ALK: variants seen among roughly 807,000 people sequenced by gnomAD.
ALK encodes the protein ALK receptor tyrosine kinase.
In ALK, 74 loss-of-function variants were observed where a neutral mutation model predicts 163.1. The observed-to-expected ratio is 0.45, with a 90% CI of 0.38 to 0.55. The LOEUF is 0.55. ALK is among the 20% of genes least tolerant of loss of function. The pLI is 0.00. For synonymous variants in ALK, 960 were observed against 843.2 expected, an observed-to-expected ratio of 1.14 and a Z score of -2.40; for missense variants, 2,063 against 2,105.3, an observed-to-expected ratio of 0.98 and a Z score of 0.39.
intron 3 of ALK, among the ~76,000 whole-genome samples, chr2:29,683,939 C>A (rs1425544189): frequency 6.6e-6 from 1 of 152,240 alleles, no homozygotes; most frequent in Admixed American, 6.5e-5. Context: ...GGAAAGGGAG[C>A]CACAGAGGTA....
intron 1 of ALK, among the ~76,000 whole-genome samples, chr2:29,786,852 C>G (rs904524213): frequency 6.6e-6 from 1 of 152,102 alleles, no homozygotes; most frequent in African/African-American, 2.4e-5. Flanking sequence ...AGTGCAACAG[C>G]ACAATCTTGA....
chr2:29,507,105 C>G (rs990289790), intron 4 of ALK, among the ~76,000 whole-genome samples: 4 of 152,110 alleles, frequency 2.6e-5, no homozygotes, highest in African/African-American at 9.7e-5. Context: ...TCACAATAGT[C>G]AAATGTTGAA....
At chr2:29,446,183 AT>A (rs1313555502) in intron 4 of ALK, among the ~76,000 whole-genome samples, 3 of 151,890 alleles carry the variant, frequency 2.0e-5, no homozygotes, top group African/African-American at 7.2e-5. Context: ...AACAAAAAAA[AT>A]GAAGAAAACA....
chr2:29,342,717 G>T (rs1667828844), intron 5 of ALK, among the ~76,000 whole-genome samples: 2 of 152,104 alleles, frequency 1.3e-5, no homozygotes, highest in Non-Finnish European at 2.9e-5. Flanking sequence ...GAGGCCCCAT[G>T]CAGAGTTCAG....
chr2:29,861,608 A>G (rs1666292669), intron 1 of ALK, among the ~76,000 whole-genome samples: 1 of 152,226 alleles, frequency 6.6e-6, no homozygotes, highest in African/African-American at 2.4e-5. Context: ...TAACAGATTA[A>G]TAATGAGTAA....
intron 3 of ALK, among the ~76,000 whole-genome samples, chr2:29,654,416 G>A (rs1378423716): frequency 6.6e-5 from 10 of 152,100 alleles, no homozygotes; most frequent in African/African-American, 1.7e-4. Context: ...CCAGGAAGCT[G>A]CTTTGGGTCT....
chr2:29,387,157 G>C (rs4074942), intron 4 of ALK, among the ~76,000 whole-genome samples: 55,517 of 152,002 alleles, frequency 0.37, 10,349 homozygotes, highest in African/African-American at 0.4. Flanking sequence ...GAAGTCAGGG[G>C]ACTGTATGGA....
intron 1 of ALK, among the ~76,000 whole-genome samples, chr2:29,881,189 C>G (rs1666854729): frequency 6.6e-6 from 1 of 152,210 alleles, no homozygotes; most frequent in Non-Finnish European, 1.5e-5. Flanking sequence ...GCTTTGCCCT[C>G]ATTTCCAATC....
intron 1 of ALK, among the ~76,000 whole-genome samples, chr2:29,822,149 A>G (rs555574233): frequency 6.6e-6 from 1 of 152,276 alleles, no homozygotes; most frequent in South Asian, 2.1e-4. Context: ...CCAAGTCCCA[A>G]TGCCACCTGA....
At chr2:29,436,287 G>A (rs1670395473) in intron 4 of ALK, among the ~76,000 whole-genome samples, 1 of 152,148 alleles carries the variant, frequency 6.6e-6, no homozygotes, top group Admixed American at 6.5e-5. Flanking sequence ...AATGTCAGCT[G>A]ATATTGCCAC....
intron 5 of ALK, among the ~76,000 whole-genome samples, chr2:29,345,888 C>T (rs751707392): frequency 8.5e-5 from 13 of 152,136 alleles, no homozygotes; most frequent in Non-Finnish European, 1.8e-4. Flanking sequence ...ACTGTTGGAA[C>T]AGCATAGCAA....
At chr2:29,488,353 G>A (rs1412907224) in intron 4 of ALK, among the ~76,000 whole-genome samples, 18 of 152,090 alleles carry the variant, frequency 1.2e-4, no homozygotes, top group Admixed American at 1.1e-3. Flanking sequence ...GAATGGTGGG[G>A]TCATTCCCTA....
intron 1 of ALK, among the ~76,000 whole-genome samples, chr2:29,819,335 T>G (rs1664981488): frequency 6.6e-6 from 1 of 152,264 alleles, no homozygotes; most frequent in Admixed American, 6.5e-5. Flanking sequence ...TTTGCTCTGC[T>G]GCTCAATTCA....
chr2:29,666,433 G>A (rs573344914), intron 3 of ALK, among the ~76,000 whole-genome samples: 1 of 152,122 alleles, frequency 6.6e-6, no homozygotes, highest in Admixed American at 6.5e-5. Flanking sequence ...GAAGTCACTT[G>A]ATCAATGCCC....
At chr2:29,675,238 A>C (rs1162936920) in intron 3 of ALK, among the ~76,000 whole-genome samples, 2 of 152,066 alleles carry the variant, frequency 1.3e-5, no homozygotes, top group African/African-American at 4.8e-5. Flanking sequence ...CATTTTTAAA[A>C]ATATACATTG....
intron 3 of ALK, among the ~76,000 whole-genome samples, chr2:29,629,250 T>G (rs1312411251): frequency 6.6e-6 from 1 of 152,186 alleles, no homozygotes; most frequent in East Asian, 1.9e-4. Context: ...GAAAACAATT[T>G]GTCATAATAA....
chr2:29,366,016 C>A (rs993919643), intron 5 of ALK, among the ~76,000 whole-genome samples: 2 of 152,314 alleles, frequency 1.3e-5, no homozygotes, highest in East Asian at 3.9e-4. Flanking sequence ...GCTTTTTCTG[C>A]ACACTACTTT....
chr2:29,787,376 G>A (rs1664062374), intron 1 of ALK, among the ~76,000 whole-genome samples: 1 of 152,170 alleles, frequency 6.6e-6, no homozygotes, highest in Admixed American at 6.6e-5. Context: ...TTCTATGACT[G>A]AGCCAAAAGT....
chr2:29,599,910 C>T (rs145911293), intron 3 of ALK, among the ~76,000 whole-genome samples: 63 of 152,308 alleles, frequency 4.1e-4, no homozygotes, highest in African/African-American at 1.5e-3. Context: ...TCACCATGCT[C>T]ACTGGTGTTG....
Sources: gnomAD v4.1 joint callset for allele counts (sites outside exome capture counted in the v4.1 genomes callset) on GRCh38, gnomAD v4.1.1 for gene constraint, MANE v1.5 for transcripts, NCBI Gene and HGNC (gene_info 2026-07-23, HGNC 2026-07-21) for gene names.